The following SLC24A2 variants were observed in gnomAD, a reference collection of about 807,000 sequenced individuals.
SLC24A2 encodes the protein sodium/potassium/calcium exchanger 2.
In SLC24A2, 36 loss-of-function variants were observed where a neutral mutation model predicts 62.0. The observed-to-expected ratio is 0.58, with a 90% CI of 0.44 to 0.77. The LOEUF is 0.77. SLC24A2 is among the 30% of genes least tolerant of loss of function. SLC24A2 has a pLI of 0.00. For missense variants in SLC24A2, 846 were observed against 817.9 expected, an observed-to-expected ratio of 1.03 and a Z score of -0.42; for synonymous variants, 358 against 294.0, an observed-to-expected ratio of 1.22 and a Z score of -2.23.
the SLC24A2 span, among the ~76,000 whole-genome samples, chr9:19,821,827 T>C: frequency 6.6e-6 from 1 of 152,182 alleles, no homozygotes; most frequent in Non-Finnish European, 1.5e-5. Flanking sequence ...TGTATTTAGA[T>C]AAGAAAAACT....
the SLC24A2 span, among the ~76,000 whole-genome samples, chr9:20,232,747 C>T: frequency 6.6e-6 from 1 of 152,076 alleles, no homozygotes; most frequent in South Asian, 2.1e-4. Context: ...CAGTTCTGTT[C>T]TGATCTTAGT....
the SLC24A2 span, among the ~76,000 whole-genome samples, chr9:19,968,258 C>T: frequency 6.6e-6 from 1 of 152,214 alleles, no homozygotes; most frequent in African/African-American, 2.4e-5. Context: ...CAGGGACCCA[C>T]ATGGGCCACA....
intron 9 of SLC24A2, among the ~76,000 whole-genome samples, chr9:19,523,373 A>G (rs1252348733): frequency 6.6e-6 from 1 of 152,188 alleles, no homozygotes; most frequent in African/African-American, 2.4e-5. Flanking sequence ...ATCCACTCAG[A>G]ATTGTTGATG....
intron 7 of SLC24A2, among the ~76,000 whole-genome samples, chr9:19,560,676 G>A (rs1835344366): frequency 6.6e-6 from 1 of 152,050 alleles, no homozygotes; most frequent in African/African-American, 2.4e-5. Context: ...TTTTTTTCTG[G>A]CAGCCCCAGT....
At chr9:19,837,641 G>T in the SLC24A2 span, among the ~76,000 whole-genome samples, 18 of 152,104 alleles carry the variant, frequency 1.2e-4, no homozygotes, top group Admixed American at 5.2e-4. Context: ...CCTGTTTGCA[G>T]ATGACATAAT....
the SLC24A2 span, among the ~76,000 whole-genome samples, chr9:19,977,085 C>T: frequency 7.8e-3 from 1,172 of 150,080 alleles, 17 homozygotes; most frequent in African/African-American, 0.027. Flanking sequence ...CATCTTTGAA[C>T]GTAGATTCAA....
chr9:19,646,175 A>G (rs1237272526), intron 2 of SLC24A2, among the ~76,000 whole-genome samples: 1 of 152,218 alleles, frequency 6.6e-6, no homozygotes, highest in African/African-American at 2.4e-5. Flanking sequence ...ACTTTGTGTA[A>G]CTAATAGTCA....
chr9:20,288,690 G>A, the SLC24A2 span, among the ~76,000 whole-genome samples: 144 of 151,556 alleles, frequency 9.5e-4, no homozygotes, highest in South Asian at 7.8e-3. Flanking sequence ...CCTGGAAGGC[G>A]GAGGTTGCAG....
intron 2 of SLC24A2, among the ~76,000 whole-genome samples, chr9:19,703,482 A>G (rs1338638866): frequency 6.6e-6 from 1 of 152,192 alleles, no homozygotes; most frequent in Non-Finnish European, 1.5e-5. Context: ...GACCAAAGTC[A>G]TATATTTAAG....
chr9:20,295,036 G>GTGTATATATATA, the SLC24A2 span, among the ~76,000 whole-genome samples: 1 of 145,622 alleles, frequency 6.9e-6, no homozygotes, highest in Non-Finnish European at 1.5e-5. Context: ...GTGTATATAT[G>GTGTATATATATA]TATATATATA....
intron 5 of SLC24A2, among the ~76,000 whole-genome samples, chr9:19,588,445 C>T (rs1587001310): frequency 6.6e-6 from 1 of 152,108 alleles, no homozygotes; most frequent in South Asian, 2.1e-4. Context: ...GAAGGGCACA[C>T]ACTGCAGTGG....
At chr9:20,082,786 A>C in the SLC24A2 span, among the ~76,000 whole-genome samples, 254 of 152,376 alleles carry the variant, frequency 1.7e-3, 1 homozygote, top group Non-Finnish European at 2.1e-3. Context: ...TATTTCTAAA[A>C]ACAAGAATTT....
At chr9:20,055,371 A>G in the SLC24A2 span, among the ~76,000 whole-genome samples, 5 of 152,386 alleles carry the variant, frequency 3.3e-5, no homozygotes, top group South Asian at 2.1e-4. Context: ...TCTAGCAATC[A>G]TAAATATAGT....
the SLC24A2 span, among the ~76,000 whole-genome samples, chr9:20,070,932 G>C: frequency 3.3e-5 from 5 of 152,204 alleles, no homozygotes; most frequent in African/African-American, 9.7e-5. Flanking sequence ...GTGGGGCCCG[G>C]TGGGAGGTGA....
the SLC24A2 span, among the ~76,000 whole-genome samples, chr9:19,813,287 C>T: frequency 4.0e-5 from 6 of 149,330 alleles, no homozygotes; most frequent in Non-Finnish European, 5.9e-5. Context: ...TGCAAATGAT[C>T]AGCTCAACTC....
At chr9:19,593,341 A>G (rs898135955) in intron 5 of SLC24A2, among the ~76,000 whole-genome samples, 2 of 152,122 alleles carry the variant, frequency 1.3e-5, no homozygotes, top group East Asian at 3.9e-4. Context: ...AAATTCATGA[A>G]AGAATGAATA....
At chr9:20,192,378 T>G in the SLC24A2 span, among the ~76,000 whole-genome samples, 15 of 151,710 alleles carry the variant, frequency 9.9e-5, no homozygotes, top group Admixed American at 9.9e-4. Flanking sequence ...ATTGGGAAGA[T>G]ATATATATAT....
the SLC24A2 span, among the ~76,000 whole-genome samples, chr9:20,057,218 CT>C: frequency 6.6e-6 from 1 of 152,166 alleles, no homozygotes; most frequent in Non-Finnish European, 1.5e-5. Flanking sequence ...ATAACTATCA[CT>C]TTTTTTAAAA....
intron 2 of SLC24A2, among the ~76,000 whole-genome samples, chr9:19,706,256 C>T (rs2118561489): frequency 6.6e-6 from 1 of 151,812 alleles, no homozygotes; most frequent in South Asian, 2.1e-4. Flanking sequence ...GGATTGCAAC[C>T]CCTGCCTTTT....
Sources: gnomAD v4.1 joint callset for allele counts (sites outside exome capture counted in the v4.1 genomes callset) on GRCh38, gnomAD v4.1.1 for gene constraint, MANE v1.5 for transcripts, NCBI Gene and HGNC (gene_info 2026-07-23, HGNC 2026-07-21) for gene names.